EOGT: variants seen among roughly 807,000 people sequenced by gnomAD.
EOGT encodes the protein EGF domain-specific O-linked N-acetylglucosamine transferase.
A neutral mutation model predicts 70.5 loss-of-function variants in EOGT; 55 were observed. The ratio of observed to expected loss-of-function variants is 0.78; its 90% CI spans 0.63 to 0.98. The LOEUF (loss-of-function observed/expected upper bound fraction) is 0.98, where lower values mean the gene tolerates loss of function less well. Ranked by LOEUF, EOGT falls within the 50% of genes least tolerant of loss-of-function variation. The pLI is 0.00. For missense variants in EOGT, 703 were observed against 641.9 expected, an observed-to-expected ratio of 1.10 and a Z score of -1.03; for synonymous variants, 246 against 217.1, an observed-to-expected ratio of 1.13 and a Z score of -1.17.
intron 4 of EOGT, among the ~76,000 whole-genome samples, chr3:69,008,755 G>A (rs946516503): frequency 1.2e-4 from 19 of 152,258 alleles, no homozygotes; most frequent in African/African-American, 4.1e-4. Context: ...TCCCCTAACC[G>A]AAAGTCTGGG....
intron 14 of EOGT, among the ~76,000 whole-genome samples, chr3:68,983,480 T>C (rs1319291094): frequency 6.6e-6 from 1 of 152,268 alleles, no homozygotes; most frequent in Non-Finnish European, 1.5e-5. Context: ...CATGGTTCTC[T>C]GTCCCTCACA....
chr3:69,003,588 TG>T (rs1368645272), intron 8 of EOGT, among the ~76,000 whole-genome samples: 29 of 152,230 alleles, frequency 1.9e-4, no homozygotes, highest in African/African-American at 7.0e-4. Flanking sequence ...CTCTTTCCTT[TG>T]TAAGTTAGTC....
At chr3:68,979,875 T>G in intron 15 of EOGT, 88 bp from the exon 16 acceptor site, 1 of 1,311,774 alleles carries the variant, frequency 7.6e-7, no homozygotes. Context: ...TAAGGATATT[T>G]ATAAAAGTGT....
In EOGT at chr3:68,977,656, G is replaced by A. The variant is rs1270253143; in HGVS notation, c.1546C>T (p.Pro516Ser). 3 of 1,613,636 alleles carry A rather than the reference G, an allele frequency of 1.9e-6. No homozygotes were observed. Among genetic ancestry groups the A allele is most frequent in the Admixed American group, 1.7e-5 (1 of 59,936 alleles). Residue 516 changes from proline (P) to serine (S), a missense_variant, in exon 18 of 18, where the codon CCA becomes TCA. Pro to Ser is a moderately conservative substitution (Grantham distance 74, BLOSUM62 -1). Coordinates refer to ENST00000383701, the MANE Select transcript of EOGT (RefSeq NM_001278689.2). Reference protein sequence around the residue: ...LQAADHVLQHPKWPFKKKHDE... With the variant: ...LQAADHVLQHSKWPFKKKHDE... Reference sequence around the variant, plus strand: ...TGTTTCTTCTTAAATGGCCACTTTGGGTGTTGCAATACGTGGTCTGCAGCC... The same window carrying A: ...TGTTTCTTCTTAAATGGCCACTTTGAGTGTTGCAATACGTGGTCTGCAGCC...
At chr3:68,987,383 A>AC in intron 14 of EOGT, 62 bp downstream of exon 14, 1 of 1,276,140 alleles carries the variant, frequency 7.8e-7, no homozygotes, top group South Asian at 1.3e-5. Flanking sequence ...GAAAAAAAAA[A>AC]AAACACAATT....
intron 3 of EOGT, among the ~76,000 whole-genome samples, chr3:69,011,498 A>T (rs962234220): frequency 6.7e-6 from 1 of 149,952 alleles, no homozygotes; most frequent in Non-Finnish European, 1.5e-5. Context: ...TCCCAGCTGA[A>T]GTGGGAGGAT....
chr3:68,987,573 T>A, intron 13 of EOGT, 60 bp from the exon 14 acceptor site: 2 of 1,233,500 alleles, frequency 1.6e-6, no homozygotes, highest in Non-Finnish European at 2.4e-6. Flanking sequence ...TGAATGAACA[T>A]CTGAACCCAA....
intron 14 of EOGT, among the ~76,000 whole-genome samples, chr3:68,985,544 C>T (rs572926045): frequency 1.3e-5 from 2 of 152,256 alleles, no homozygotes; most frequent in South Asian, 4.1e-4. Flanking sequence ...CACACTTGAT[C>T]CTTGATACCT....
chr3:68,992,496 C>T (rs908267349), intron 10 of EOGT, among the ~76,000 whole-genome samples: 5 of 152,224 alleles, frequency 3.3e-5, no homozygotes, highest in Admixed American at 1.3e-4. Flanking sequence ...TCTTGGGCAG[C>T]TCTGCCCCTG....
At chr3:68,982,602 G>C (rs1400099932) in intron 15 of EOGT, 11 of 403,176 alleles carry the variant, frequency 2.7e-5, no homozygotes, top group Non-Finnish European at 4.8e-5. Context: ...ATAAGGAGAT[G>C]GAGTGACAAC....
chr3:68,993,635 G>T, intron 10 of EOGT, among the ~76,000 whole-genome samples: 1 of 151,992 alleles, frequency 6.6e-6, no homozygotes, highest in Non-Finnish European at 1.5e-5. Context: ...ACACTTTCAG[G>T]TATCTTTTCA....
chr3:68,991,582 A>T lies in EOGT; in HGVS notation c.832-2565T>A, dbSNP rs1463577342. On this transcript the variant is annotated intron_variant, in intron 10 of 17. Transcript: ENST00000383701. ...CTAAAGCAAGGATAGCCCTAAAGGT[A>T]CTGACTTAAAAAGACATTCCACAGA... Among the ~76,000 whole-genome samples the T allele has an allele frequency of 2.0e-5, 3 of 152,232 alleles. 1 individual carries two copies. In the East Asian group the frequency reaches 5.8e-4, roughly 29 times the overall value.
At chr3:68,995,382 C>T (rs183263311) in intron 10 of EOGT, among the ~76,000 whole-genome samples, 288 of 152,220 alleles carry the variant, frequency 1.9e-3, no homozygotes, top group African/African-American at 6.8e-3. Flanking sequence ...ACCAAGCGTC[C>T]GGGTTTAAAA....
chr3:69,000,136 G>C (rs1204270987), intron 9 of EOGT, among the ~76,000 whole-genome samples: 1 of 152,184 alleles, frequency 6.6e-6, no homozygotes, highest in Non-Finnish European at 1.5e-5. Context: ...CAAGGTGGGA[G>C]AATCACTTGA....
At chr3:69,011,610 AC>A (rs1274500013) in intron 3 of EOGT, among the ~76,000 whole-genome samples, 162 of 135,522 alleles carry the variant, frequency 1.2e-3, no homozygotes, top group African/African-American at 4.0e-3. Context: ...AAAAAAAAAA[AC>A]AAAGAAAGAA....
At chr3:69,001,003 C>A (rs1220462093) in intron 9 of EOGT, among the ~76,000 whole-genome samples, 1 of 150,114 alleles carries the variant, frequency 6.7e-6, no homozygotes, top group African/African-American at 2.5e-5. Flanking sequence ...TGTCACCAGG[C>A]TGGAGTGCAG....
rs1333135981 is a variant in EOGT at position 68,988,926 on chromosome 3, CT to C, written c.922del (p.Arg308GlyfsTer15). ...VIHLKTYDSKRVCFKEAVFSL... is the reference protein window; with the variant it reads ...VIHLKTYDSKXVCFKEAVFSL... Reference sequence around the variant, plus strand: ...ACATTTCAGGAAAATTTCCAGTACCCTTTTGGAATCATAAGTTTTCAAATGT... The same window carrying C: ...ACATTTCAGGAAAATTTCCAGTACCCTTTGGAATCATAAGTTTTCAAATGT... On this transcript the variant is annotated frameshift_variant and splice_region_variant, in exon 11 of 18. Coordinates refer to ENST00000383701, the MANE Select transcript of EOGT (RefSeq NM_001278689.2). LOFTEE classifies it high-confidence loss of function. 4 of 1,502,828 alleles carry C rather than the reference CT, an allele frequency of 2.7e-6. No individual in the cohort carries two copies. Among genetic ancestry groups the C allele is most frequent in the Admixed American group, 4.1e-5 (2 of 48,228 alleles). The allele number at this position is 1,502,828 out of a possible 1,614,324, so 93.1% of individuals were successfully genotyped here. A position where few individuals can be genotyped will look rare whatever the true frequency, so the allele number is the denominator to read the frequency against.
chr3:68,993,922 C>T (rs1010440726), intron 10 of EOGT, among the ~76,000 whole-genome samples: 2 of 152,212 alleles, frequency 1.3e-5, no homozygotes, highest in East Asian at 1.9e-4. Context: ...GAAAGACTGG[C>T]CCCCAGGATT....
intron 15 of EOGT, 147 bp downstream of exon 15, chr3:68,982,664 C>A (rs894815810): frequency 2.3e-6 from 1 of 438,156 alleles, no homozygotes; most frequent in Non-Finnish European, 4.0e-6. Context: ...AGGGACTTCA[C>A]CTGCCCATTT....
Sources: gnomAD v4.1 joint callset for allele counts (sites outside exome capture counted in the v4.1 genomes callset) on GRCh38, gnomAD v4.1.1 for gene constraint, MANE v1.5 for transcripts, NCBI Gene and HGNC (gene_info 2026-07-23, HGNC 2026-07-21) for gene names.